The following CCDC91 variants were observed in gnomAD, a reference collection of about 807,000 sequenced individuals.
CCDC91 encodes coiled-coil domain containing 91.
Under a neutral mutation model 63.2 loss-of-function variants are expected in CCDC91, and 48 were observed. The ratio of observed to expected loss-of-function variants is 0.76; its 90% CI spans 0.60 to 0.97. CCDC91 has a LOEUF of 0.97. Ranked by LOEUF, CCDC91 falls within the 50% of genes least tolerant of loss-of-function variation. CCDC91 has a pLI of 0.00. For synonymous variants in CCDC91, 167 were observed against 165.8 expected, an observed-to-expected ratio of 1.01 and a Z score of -0.06; for missense variants, 500 against 494.6, an observed-to-expected ratio of 1.01 and a Z score of -0.10.
At chr12:28,249,293 ATAT>A (rs1385961831) in intron 1 of CCDC91, among the ~76,000 whole-genome samples, 1 of 152,074 alleles carries the variant, frequency 6.6e-6, no homozygotes, top group Non-Finnish European at 1.5e-5. Context: ...AGGTAATTGG[ATAT>A]TATTGGTGGT....
At chr12:28,339,153 A>G (rs1277907773) in intron 6 of CCDC91, among the ~76,000 whole-genome samples, 2 of 152,264 alleles carry the variant, frequency 1.3e-5, no homozygotes, top group South Asian at 2.1e-4. Flanking sequence ...ATTCTGGTAT[A>G]TATTTCAAAG....
chr12:28,256,884 A>T (rs952172183), intron 1 of CCDC91: 5 of 239,648 alleles, frequency 2.1e-5, no homozygotes, highest in Admixed American at 1.1e-4. Context: ...TGAGGAATAG[A>T]TGCAAAAAGC....
At chr12:28,491,236 T>TA (rs766113966) in intron 12 of CCDC91, among the ~76,000 whole-genome samples, 78 of 151,804 alleles carry the variant, frequency 5.1e-4, no homozygotes, top group Non-Finnish European at 8.0e-4. Flanking sequence ...TGAATTACTA[T>TA]AATGACAACT....
chr12:28,546,269 A>T (rs559930274), intron 12 of CCDC91, among the ~76,000 whole-genome samples: 1 of 152,206 alleles, frequency 6.6e-6, no homozygotes, highest in Admixed American at 6.6e-5. Context: ...TGCCTATGAT[A>T]AAAGAGTTAT....
chr12:28,510,238 T>A (rs1939221693), intron 12 of CCDC91, among the ~76,000 whole-genome samples: 1 of 116,502 alleles, frequency 8.6e-6, no homozygotes, highest in East Asian at 2.0e-4. Context: ...CAATAGGGCA[T>A]GTGTGTGTGT....
chr12:28,521,112 G>A (rs1383823385), intron 12 of CCDC91, among the ~76,000 whole-genome samples: 2 of 152,184 alleles, frequency 1.3e-5, no homozygotes, highest in African/African-American at 2.4e-5. Flanking sequence ...TGTGAAGAAA[G>A]TCATTGGTAG....
At chr12:28,238,986 G>T (rs1212432077) in intron 1 of CCDC91, among the ~76,000 whole-genome samples, 2 of 152,026 alleles carry the variant, frequency 1.3e-5, no homozygotes, top group African/African-American at 2.4e-5. Context: ...GGGCATGATG[G>T]TGGGTATCTG....
intron 1 of CCDC91, among the ~76,000 whole-genome samples, chr12:28,200,829 C>T (rs573084447): frequency 0.014 from 2,077 of 151,856 alleles, 17 homozygotes; most frequent in Middle Eastern, 0.02. Flanking sequence ...CAGAGGGGCT[C>T]CTCACTTCCC....
At chr12:28,207,395 G>T (rs1565612017) in intron 1 of CCDC91, among the ~76,000 whole-genome samples, 1 of 152,128 alleles carries the variant, frequency 6.6e-6, no homozygotes, top group Admixed American at 6.5e-5. Context: ...GATGGCAAGG[G>T]CAGTCTTTCT....
chr12:28,495,765 C>G (rs1008919506), intron 12 of CCDC91, among the ~76,000 whole-genome samples: 4 of 151,572 alleles, frequency 2.6e-5, no homozygotes, highest in Admixed American at 6.6e-5. Context: ...TCCTCATGCT[C>G]TTCATATTTT....
At position 28,306,900 on chromosome 12, in the gene CCDC91, G is replaced by A; in HGVS notation, c.426G>A (p.Glu142=). The change falls in exon 5 of 13, where the codon GAG becomes GAA. Residue 142 remains glutamate (E), a synonymous_variant. Coordinates refer to ENST00000536442, the MANE Select transcript of CCDC91 (RefSeq NM_018318.5). ...IQLQQKISSL[E]IKLKVSEEEK... ...TTCAGCAAAAAATTTCAAGTCTGGA[G>A]ATTAAACTCAAAGTATCTGAAGAAG... 1 of 1,611,590 alleles carries A rather than the reference G, an allele frequency of 6.2e-7. No individual in the cohort carries two copies. Among genetic ancestry groups the A allele is most frequent in the Non-Finnish European group, 8.5e-7 (1 of 1,178,372 alleles).
chr12:28,389,508 T>C (rs1945807127), intron 7 of CCDC91, among the ~76,000 whole-genome samples: 1 of 152,156 alleles, frequency 6.6e-6, no homozygotes, highest in African/African-American at 2.4e-5. Flanking sequence ...AATGAGTATA[T>C]AGTGTACAAA....
chr12:28,438,020 T>A (rs1948998687), intron 8 of CCDC91, among the ~76,000 whole-genome samples: 1 of 152,132 alleles, frequency 6.6e-6, no homozygotes, highest in Non-Finnish European at 1.5e-5. Context: ...GATGATACAT[T>A]TTTAGGAATA....
In CCDC91 at chr12:28,305,194, T is replaced by C. The variant is rs527668903; in HGVS notation, c.110-455T>C. ...CCGAGTCATAAAGCCATTGAGTACATGGGTGCATCTGTATTGCTCACTGCT... is the reference window on the plus strand; with the variant it reads ...CCGAGTCATAAAGCCATTGAGTACACGGGTGCATCTGTATTGCTCACTGCT... On this transcript the variant is annotated intron_variant, in intron 3 of 12. Transcript: ENST00000536442. Among the ~76,000 whole-genome samples the C allele has an allele frequency of 2.6e-5, 4 of 152,204 alleles. No homozygotes were observed. The East Asian group carries it at 5.8e-4, about 22-fold the overall frequency.
intron 1 of CCDC91, among the ~76,000 whole-genome samples, chr12:28,237,606 G>A (rs1278922393): frequency 6.6e-6 from 1 of 152,140 alleles, no homozygotes; most frequent in Non-Finnish European, 1.5e-5. Context: ...GGAACAGGCA[G>A]GGCATGGATT....
intron 12 of CCDC91, among the ~76,000 whole-genome samples, chr12:28,542,249 A>C (rs1256824048): frequency 1.3e-5 from 2 of 152,078 alleles, no homozygotes; most frequent in Non-Finnish European, 2.9e-5. Context: ...AGATGACTCA[A>C]AACAGAGAAT....
At position 28,405,432 on chromosome 12, in the gene CCDC91, A is replaced by T. The variant is rs77535393; in HGVS notation, c.762+14021A>T. Among the ~76,000 whole-genome samples, 5 of 152,292 alleles carry T rather than the reference A, an allele frequency of 3.3e-5. No homozygotes were observed. In the South Asian group the frequency reaches 1.0e-3, roughly 32 times the overall value. On this transcript the variant is annotated intron_variant, in intron 8 of 12. Coordinates refer to ENST00000536442, the MANE Select transcript of CCDC91 (RefSeq NM_018318.5). ...AAACCATTATATGTTGCATCAGTTA[A>T]GAAAAAGAAAAAGTTTTAATTCACT...
At chr12:28,228,989 GTATCT>G (rs1223476058) in intron 1 of CCDC91, among the ~76,000 whole-genome samples, 3 of 152,036 alleles carry the variant, frequency 2.0e-5, no homozygotes, top group Admixed American at 6.6e-5. Context: ...CAACATAAAA[GTATCT>G]TATTTTATGT....
chr12:28,440,377 A>G (rs1257646681), intron 8 of CCDC91, among the ~76,000 whole-genome samples: 1 of 152,182 alleles, frequency 6.6e-6, no homozygotes, highest in Non-Finnish European at 1.5e-5. Flanking sequence ...CCTTTAACCC[A>G]GTTCGTATAC....
Sources: allele counts gnomAD v4.1 joint callset (sites outside exome capture counted in the v4.1 genomes callset), GRCh38; gene constraint gnomAD v4.1.1; transcripts MANE v1.5; gene names NCBI Gene and HGNC (gene_info 2026-07-23, HGNC 2026-07-21).